The following PCDHA1 variants were observed in gnomAD, a reference collection of about 807,000 sequenced individuals.
The protein encoded by PCDHA1 is protocadherin alpha-1.
In PCDHA1, 42 loss-of-function variants were observed where a neutral mutation model predicts 61.3. That is an observed-to-expected ratio of 0.69 (90% CI 0.54 to 0.89). The LOEUF is 0.89. PCDHA1 is among the 40% of genes least tolerant of loss of function. PCDHA1 has a pLI of 0.00. For synonymous variants in PCDHA1, 610 were observed against 553.8 expected (o/e 1.10, Z -1.43); for missense variants, 1,256 against 1,235.3 (o/e 1.02, Z -0.25).
At chr5:140,883,474 G>C in intron 1 of PCDHA1, 1 of 1,614,126 alleles carries the variant, frequency 6.2e-7, no homozygotes, top group Middle Eastern at 1.7e-4. Flanking sequence ...CCACCTACAA[G>C]AACTACTACT....
chr5:140,845,456 CTGATATT>C (rs1779887189), intron 1 of PCDHA1, among the ~76,000 whole-genome samples: 2 of 149,562 alleles, frequency 1.3e-5, no homozygotes, highest in Admixed American at 1.3e-4. Context: ...CTTCAACTCT[CTGATATT>C]TGAATTTGGG....
intron 1 of PCDHA1, chr5:140,869,477 A>C: frequency 6.2e-7 from 1 of 1,614,208 alleles, no homozygotes; most frequent in South Asian, 1.1e-5. Context: ...GAGGTGAAGG[A>C]CATTAACGAC....
At chr5:140,946,797 CAG>C (rs1279078142) in intron 1 of PCDHA1, among the ~76,000 whole-genome samples, 2 of 151,052 alleles carry the variant, frequency 1.3e-5, no homozygotes, top group Non-Finnish European at 3.0e-5. Context: ...CTTATAGAAG[CAG>C]AGAGTATAAC....
intron 1 of PCDHA1, among the ~76,000 whole-genome samples, chr5:140,952,166 G>A (rs2094699360): frequency 6.6e-6 from 1 of 152,072 alleles, no homozygotes; most frequent in African/African-American, 2.4e-5. Flanking sequence ...GTGGGGTTCA[G>A]TTCCTGCAGC....
intron 1 of PCDHA1, chr5:140,849,713 G>T (rs2150446260): frequency 1.9e-6 from 3 of 1,598,578 alleles, no homozygotes; most frequent in Non-Finnish European, 2.6e-6. Context: ...ATTACTACTC[G>T]TTGGTGCTGG....
At chr5:140,844,128 T>G (rs1265554097) in intron 1 of PCDHA1, among the ~76,000 whole-genome samples, 4 of 149,752 alleles carry the variant, frequency 2.7e-5, no homozygotes, top group South Asian at 2.1e-4. Flanking sequence ...ATGCATGTTT[T>G]AAATATGTTG....
Position 141,009,632 on chromosome 5 carries a change from G to A in PCDHA1, c.2548G>A (p.Glu850Lys). 1 of 1,613,032 alleles carries A rather than the reference G, an allele frequency of 6.2e-7. No individual in the cohort carries two copies. Among genetic ancestry groups the A allele is most frequent in the Non-Finnish European group, 8.5e-7 (1 of 1,179,354 alleles). The change falls in exon 4 of 4, where the codon GAG (glutamate) becomes AAG (lysine). Residue 850 changes from glutamate to lysine, a missense_variant. Transcript: ENST00000504120. The stretch of plus-strand genomic sequence containing the variant: ...TGTAATGTTTTGTCTTTCAGAACCA[G>A]AGGCAGGAGAAGTGTCCCCTCCAGT... ...PTVSSATPEP[E>K]AGEVSPPVGA...
intron 1 of PCDHA1, chr5:140,849,878 G>T (rs558218817): frequency 6.3e-7 from 1 of 1,598,486 alleles, no homozygotes; most frequent in East Asian, 2.2e-5. Context: ...CCGAGTACAC[G>T]GTGTTCGTGA....
chr5:140,921,406 C>T (rs1436249655), intron 1 of PCDHA1, among the ~76,000 whole-genome samples: 8 of 152,092 alleles, frequency 5.3e-5, no homozygotes, highest in African/African-American at 1.9e-4. Flanking sequence ...CTAGATTTTC[C>T]TCTGTGCTGC....
chr5:140,827,843 C>T, intron 1 of PCDHA1: 1 of 460,554 alleles, frequency 2.2e-6, no homozygotes, highest in Non-Finnish European at 3.7e-6. Flanking sequence ...AAAGAAGATA[C>T]TGTTTTAAAA....
chr5:140,857,295 G>A, intron 1 of PCDHA1: 1 of 1,598,726 alleles, frequency 6.3e-7, no homozygotes, highest in Non-Finnish European at 8.6e-7. Flanking sequence ...GACCGCGAGA[G>A]GGTGTCGGCC....
intron 1 of PCDHA1, chr5:140,926,717 C>G (rs975992181): frequency 3.1e-6 from 3 of 967,258 alleles, no homozygotes; most frequent in East Asian, 6.0e-5. Context: ...CCAGCCCCGG[C>G]AATGCCGGCG....
intron 1 of PCDHA1, chr5:140,842,577 C>A: frequency 6.6e-7 from 1 of 1,512,698 alleles, no homozygotes; most frequent in Non-Finnish European, 9.0e-7. Context: ...GAGAGAGTGT[C>A]GGCCTATGAG....
At chr5:140,942,541 G>T (rs1241528363) in intron 1 of PCDHA1, among the ~76,000 whole-genome samples, 1 of 152,056 alleles carries the variant, frequency 6.6e-6, no homozygotes, top group Non-Finnish European at 1.5e-5. Context: ...CAGTATGGTG[G>T]GGGGTAGGGG....
chr5:140,903,525 C>T (rs1322141732), intron 1 of PCDHA1, among the ~76,000 whole-genome samples: 1 of 152,164 alleles, frequency 6.6e-6, no homozygotes, highest in African/African-American at 2.4e-5. Context: ...GTGTTGTTCA[C>T]TTTAAACTAG....
chr5:140,907,114 G>A (rs1422379312), intron 1 of PCDHA1, among the ~76,000 whole-genome samples: 1 of 152,164 alleles, frequency 6.6e-6, no homozygotes, highest in Non-Finnish European at 1.5e-5. Context: ...TCCACCCCTT[G>A]ATTCCTGGAC....
At position 140,787,784 on chromosome 5, in the gene PCDHA1, G is replaced by A. The variant is rs368150526; in HGVS notation, c.1494G>A (p.Arg498=). The A allele has an allele frequency of 1.7e-5, 28 of 1,612,678 alleles. No homozygotes were observed. The highest frequency in any genetic ancestry group is 2.3e-5 in the Non-Finnish European group (27 of 1,179,804). Residue 498 remains arginine (R), a synonymous_variant, in exon 1 of 4, where the codon CGG becomes CGA. Transcript: ENST00000504120. ...TGTCCTATTCGCTGGTGGAACGGCG[G>A]GTGGGCGAGCGCGCGCTGTCGAACT... ...ALVSYSLVER[R]VGERALSNYV...
chr5:140,824,360 A>G, intron 1 of PCDHA1: 1 of 580,340 alleles, frequency 1.7e-6, no homozygotes. Flanking sequence ...ATTTTATATT[A>G]GCATTTGAAT....
intron 1 of PCDHA1, chr5:140,829,405 C>T: frequency 2.5e-6 from 4 of 1,614,154 alleles, no homozygotes; most frequent in Non-Finnish European, 3.4e-6. Context: ...TGTGGGCCAC[C>T]GCCAGCTTGT....
Sources: gnomAD v4.1 joint callset for allele counts (sites outside exome capture counted in the v4.1 genomes callset) on GRCh38, gnomAD v4.1.1 for gene constraint, MANE v1.5 for transcripts, NCBI Gene and HGNC (gene_info 2026-07-23, HGNC 2026-07-21) for gene names.